Variants in NBAS observed in about 807,000 individuals in gnomAD.
The protein encoded by NBAS is NBAS subunit of NRZ tethering complex.
In NBAS, 219 loss-of-function variants were observed where a neutral mutation model predicts 302.5. The observed-to-expected ratio is 0.72, with a 90% confidence interval of 0.65 to 0.81. The LOEUF (loss-of-function observed/expected upper bound fraction) is 0.81, where lower values mean the gene tolerates loss of function less well. Ranked by LOEUF, NBAS falls within the 30% of genes least tolerant of loss-of-function variation. The probability of loss-of-function intolerance (pLI) is 0.00; values close to 1 mark genes in which losing one functional copy is unlikely to be tolerated. For missense variants in NBAS, 2,932 were observed against 2,841.6 expected (o/e 1.03, Z -0.72); for synonymous variants, 1,118 against 1,021.6 (o/e 1.09, Z -1.80).
chr2:15,008,052 G>A, the NBAS span, among the ~76,000 whole-genome samples: 1 of 152,166 alleles, frequency 6.6e-6, no homozygotes, highest in African/African-American at 2.4e-5. Context: ...GTTCCAACCT[G>A]GACTCCCACT....
the NBAS span, among the ~76,000 whole-genome samples, chr2:15,034,289 A>AAAGG: frequency 5.0e-5 from 5 of 99,268 alleles, no homozygotes; most frequent in Non-Finnish European, 1.1e-4. Context: ...AGAAAGAAAG[A>AAAGG]AAGAAAGAAA....
the NBAS span, among the ~76,000 whole-genome samples, chr2:15,074,859 G>A: frequency 6.6e-6 from 1 of 152,174 alleles, no homozygotes; most frequent in Non-Finnish European, 1.5e-5. Flanking sequence ...CAATAACCAT[G>A]TAAAGATGCT....
At chr2:15,124,935 G>A in the NBAS span, among the ~76,000 whole-genome samples, 1 of 152,196 alleles carries the variant, frequency 6.6e-6, no homozygotes, top group African/African-American at 2.4e-5. Context: ...AGTGCTGAGG[G>A]GAAATGTGGG....
chr2:14,944,284 A>G, the NBAS span, among the ~76,000 whole-genome samples: 1 of 152,018 alleles, frequency 6.6e-6, no homozygotes, highest in Admixed American at 6.6e-5. Flanking sequence ...AGCCTGGGCG[A>G]CAGAGTGAGA....
At chr2:15,356,491 T>A in intron 32 of NBAS, 75 bp from the exon 33 acceptor site, 1 of 1,006,208 alleles carries the variant, frequency 9.9e-7, no homozygotes, top group Non-Finnish European at 1.6e-6. Flanking sequence ...TAACACTGTC[T>A]TTCAAATTAC....
intron 11 of NBAS, among the ~76,000 whole-genome samples, chr2:15,498,665 G>A (rs574759189): frequency 3.3e-5 from 5 of 152,172 alleles, no homozygotes; most frequent in Non-Finnish European, 5.9e-5. Context: ...AACCATGGGG[G>A]CGGATTTCCC....
At chr2:15,109,751 C>T in the NBAS span, among the ~76,000 whole-genome samples, 1 of 151,994 alleles carries the variant, frequency 6.6e-6, no homozygotes, top group Non-Finnish European at 1.5e-5. Context: ...GAGAGCTGCA[C>T]CCTCATGACC....
the NBAS span, among the ~76,000 whole-genome samples, chr2:15,093,105 C>T: frequency 2.6e-5 from 4 of 152,096 alleles, no homozygotes; most frequent in Non-Finnish European, 4.4e-5. Context: ...TAATCAAAGA[C>T]GTGAAACTAA....
Position 15,534,608 on chromosome 2 carries a change from G to C in NBAS, c.681C>G (p.His227Gln). Residue 227 changes from histidine (H) to glutamine (Q), a missense_variant, in exon 9 of 52, where the codon CAC becomes CAG. By Grantham distance (24) the His-to-Gln change is conservative (BLOSUM62 0). Transcript: ENST00000281513. Reference sequence around the variant, plus strand: ...GATAATGACTACTGAAGCTGAAACAGTGACTTTCTTGGTAGCTCTGATTTG... The same window carrying C: ...GATAATGACTACTGAAGCTGAAACACTGACTTTCTTGGTAGCTCTGATTTG... ...VGTNQSYQES[H>Q]CFSFSSHYPH... 1 of 1,613,836 alleles carries C rather than the reference G, an allele frequency of 6.2e-7. No homozygotes were observed. The highest frequency in any genetic ancestry group is 8.5e-7 in the Non-Finnish European group (1 of 1,179,784).
the NBAS span, among the ~76,000 whole-genome samples, chr2:14,925,675 C>T: frequency 6.6e-6 from 1 of 152,122 alleles, no homozygotes; most frequent in Non-Finnish European, 1.5e-5. Context: ...ATTCTGAGTC[C>T]CACCCACACG....
At chr2:15,539,194 T>C (rs754629857) in intron 7 of NBAS, 29 bp downstream of exon 7, 1 of 1,613,728 alleles carries the variant, frequency 6.2e-7, no homozygotes. Context: ...TTGAAAAAAC[T>C]ATGTTTTCAA....
At chr2:15,332,258 C>T (rs1431577914) in intron 35 of NBAS, among the ~76,000 whole-genome samples, 1 of 152,154 alleles carries the variant, frequency 6.6e-6, no homozygotes, top group Admixed American at 6.5e-5. Context: ...TTGATTTTGG[C>T]CTTGTGTGGC....
chr2:15,141,341 T>C, the NBAS span, among the ~76,000 whole-genome samples: 1 of 152,228 alleles, frequency 6.6e-6, no homozygotes, highest in Non-Finnish European at 1.5e-5. Context: ...CACTAGCTCA[T>C]TTAGTACCGG....
chr2:15,554,135 C>A lies in NBAS; in HGVS notation c.213G>T (p.Pro71=), dbSNP rs761845358. The A allele has an allele frequency of 3.7e-6, 6 of 1,612,970 alleles. No individual in the cohort carries two copies. The South Asian group carries it at 6.6e-5, about 18-fold the overall frequency. Residue 71 remains proline (P), a synonymous_variant, in exon 4 of 52, where the codon CCG becomes CCT. Transcript: ENST00000281513. ...GTCCATCAGGGAGCAAAAAAGGTGC[C>A]GGGCTGAAATCACAACACATTAGTT... ...LFLRQYIWYS[P]APFLLPDGLV...
At chr2:15,544,042 T>C (rs1663984953) in intron 6 of NBAS, among the ~76,000 whole-genome samples, 1 of 152,156 alleles carries the variant, frequency 6.6e-6, no homozygotes. Context: ...TTAAAAATAA[T>C]AAACACTGGG....
chr2:15,543,358 T>A (rs551479046), intron 6 of NBAS, among the ~76,000 whole-genome samples: 106 of 152,346 alleles, frequency 7.0e-4, no homozygotes, highest in African/African-American at 2.1e-3. Flanking sequence ...GAAGGCATTC[T>A]GTGACCACCC....
chr2:15,115,610 C>G, the NBAS span, among the ~76,000 whole-genome samples: 1 of 152,166 alleles, frequency 6.6e-6, no homozygotes, highest in East Asian at 1.9e-4. Context: ...AGGAAATCTT[C>G]CCGCTTCAGC....
chr2:14,811,707 A>G, the NBAS span, among the ~76,000 whole-genome samples: 1 of 152,198 alleles, frequency 6.6e-6, no homozygotes, highest in East Asian at 1.9e-4. Context: ...GATGAGGGGA[A>G]GAAAGTAAGG....
chr2:15,378,848 A>G (rs1217906870), intron 30 of NBAS, among the ~76,000 whole-genome samples: 4 of 152,200 alleles, frequency 2.6e-5, no homozygotes, highest in African/African-American at 9.6e-5. Context: ...GAAATGTTGA[A>G]CAAGGAAGAT....
Sources: gnomAD v4.1 joint callset for allele counts (sites outside exome capture counted in the v4.1 genomes callset) on GRCh38, gnomAD v4.1.1 for gene constraint, MANE v1.5 for transcripts, NCBI Gene and HGNC (gene_info 2026-07-23, HGNC 2026-07-21) for gene names.